Variants in HLA-F observed in about 807,000 individuals in gnomAD.
HLA-F encodes the protein major histocompatibility complex, class I, F, also known as HLA class I histocompatibility antigen, alpha chain F.
In HLA-F, 46 loss-of-function variants were observed where a neutral mutation model predicts 49.5. The observed-to-expected ratio is 0.93, with a 90% CI of 0.73 to 1.19. The LOEUF is 1.19. HLA-F is among the 50% of genes most tolerant of loss of function. HLA-F has a pLI of 0.00. For synonymous variants in HLA-F, 203 were observed against 233.5 expected (o/e 0.87, Z 1.19); for missense variants, 496 against 579.6 (o/e 0.86, Z 1.48).
At position 29,727,046 on chromosome 6, in the gene HLA-F, A is replaced by C; in HGVS notation, c.1200A>C (p.Thr400=). Residue 400 remains threonine, a synonymous_variant, in exon 7 of 7, where the codon ACA becomes ACC. Transcript: ENST00000259951. Reference sequence around the variant, plus strand: ...TCTTGTTTTTTTTGTGGCTGTGGACATCTTTCAACACTGCCTTCTTGGCCT... The same window carrying C: ...TCTTGTTTTTTTTGTGGCTGTGGACCTCTTTCAACACTGCCTTCTTGGCCT... ...MWILFFLWLW[T]SFNTAFLALQ... 2 of 1,613,258 alleles carry C rather than the reference A, an allele frequency of 1.2e-6. No homozygotes were observed. Among genetic ancestry groups the C allele is most frequent in the Non-Finnish European group, 1.7e-6 (2 of 1,180,028 alleles).
intron 3 of HLA-F, chr6:29,736,657 A>C: frequency 6.9e-6 from 2 of 290,604 alleles, no homozygotes; most frequent in South Asian, 2.9e-5. Flanking sequence ...ACCCTCCCCA[A>C]CCCTAGAGCA....
downstream of HLA-F, chr6:29,729,485 A>T (rs1308569806): frequency 1.3e-5 from 2 of 152,224 alleles, no homozygotes; most frequent in Non-Finnish European, 2.9e-5. Flanking sequence ...TTCAAAAATT[A>T]ACTCAATTAA....
intron 3 of HLA-F, among the ~76,000 whole-genome samples, chr6:29,737,350 C>T (rs1777208171): frequency 6.6e-6 from 1 of 151,244 alleles, no homozygotes; most frequent in African/African-American, 2.4e-5. Flanking sequence ...ATGCAAAGGA[C>T]AGGAAACTAC....
chr6:29,727,497 G>C (rs937737004), downstream of HLA-F, among the ~76,000 whole-genome samples: 4 of 152,152 alleles, frequency 2.6e-5, no homozygotes, highest in African/African-American at 9.7e-5. Flanking sequence ...AATACCTGTG[G>C]AATCTTCTCC....
chr6:29,725,705 C>A (rs998137768), intron 5 of HLA-F, 142 bp downstream of exon 5: 33 of 751,958 alleles, frequency 4.4e-5, no homozygotes, highest in Non-Finnish European at 6.9e-5. Context: ...TGTGTGCCAG[C>A]ACCTACTCAT....
At chr6:29,731,977 T>C (rs1776665482), downstream of HLA-F, among the ~76,000 whole-genome samples, 1 of 152,160 alleles carries the variant, frequency 6.6e-6, no homozygotes, top group South Asian at 2.1e-4. Flanking sequence ...AATTTATTTA[T>C]TTTTGGAGAC....
At position 29,725,225 on chromosome 6, in the gene HLA-F, G is replaced by A; in HGVS notation, c.805G>A (p.Val269Met). 1.9e-6 allele frequency: 3 copies of A among 1,614,036 alleles called. No homozygotes were observed. The highest frequency in any genetic ancestry group is 1.7e-6 in the Non-Finnish European group (2 of 1,179,918). Residue 269 changes from valine to methionine, a missense_variant, in exon 4 of 7, where the codon GTG (valine) becomes ATG (methionine). By Grantham distance (21) the Val-to-Met change is conservative. Transcript: ENST00000259951. ...DGTFQKWAAV[V>M]VPPGEEQRYT... ...AACCTTCCAGAAGTGGGCCGCTGTG[G>A]TGGTGCCTCCTGGAGAGGAACAGAG...
chr6:29,728,108 C>T (rs991017278), downstream of HLA-F: 1 of 518,266 alleles, frequency 1.9e-6, no homozygotes, highest in Non-Finnish European at 3.9e-6. Flanking sequence ...GGGGAATGAC[C>T]AGGGATGCTG....
At chr6:29,726,493 A>C in intron 6 of HLA-F, 1 of 1,567,602 alleles carries the variant, frequency 6.4e-7, no homozygotes, top group Non-Finnish European at 8.6e-7. Context: ...TAAATTTTAA[A>C]AATAAAGAAT....
rs148381221 is a variant in HLA-F at position 29,725,021 on chromosome 6, C to G, written c.611-10C>G. On this transcript the variant is annotated splice_polypyrimidine_tract_variant and intron_variant, in intron 3 of 6. Transcript: ENST00000259951. ...AGTGCAAAGTGCCTGAATTTTCTGA[C>G]TCTTCTCAGATCCTCCAAAGGCACA... The G allele has an allele frequency of 2.7e-5, 43 of 1,610,974 alleles. No individual in the cohort carries two copies. In the Middle Eastern group the frequency reaches 5.0e-4, roughly 19 times the overall value.
downstream of HLA-F, chr6:29,727,946 T>C (rs762703296): frequency 1.9e-6 from 1 of 518,712 alleles, no homozygotes; most frequent in Non-Finnish European, 3.8e-6. Context: ...CGGATCACTT[T>C]CCCTCTACAG....
intron 6 of HLA-F, 86 bp from the exon 7 acceptor site, chr6:29,726,797 C>G (rs1478342320): frequency 2.7e-6 from 4 of 1,468,360 alleles, no homozygotes; most frequent in Non-Finnish European, 3.8e-6. Context: ...TCACAAACTT[C>G]TTCACAGCCT....
At chr6:29,724,116 G>T in intron 2 of HLA-F, 57 bp from the exon 3 acceptor site, 3 of 1,597,894 alleles carry the variant, frequency 1.9e-6, no homozygotes, top group Non-Finnish European at 2.6e-6. Context: ...ATCCCCGCGG[G>T]TTGGGCGGGG....
chr6:29,736,415 C>T (rs977519566), intron 3 of HLA-F: 3 of 453,630 alleles, frequency 6.6e-6, no homozygotes, highest in Non-Finnish European at 1.3e-5. Flanking sequence ...TCCAATGCAG[C>T]ATTTCTAAGG....
chr6:29,727,439 C>T, downstream of HLA-F: 1 of 395,688 alleles, frequency 2.5e-6, no homozygotes, highest in Middle Eastern at 6.6e-4. Flanking sequence ...ACAATCAACC[C>T]ATCTTTTTTC....
chr6:29,735,146 T>G (rs923797280), intron 3 of HLA-F: 3 of 149,966 alleles, frequency 2.0e-5, no homozygotes, highest in African/African-American at 7.4e-5. Flanking sequence ...CTACTAGCTT[T>G]TATAGGACTA....
At chr6:29,730,713 C>T (rs1159577455), downstream of HLA-F, among the ~76,000 whole-genome samples, 1 of 152,116 alleles carries the variant, frequency 6.6e-6, no homozygotes, top group East Asian at 1.9e-4. Flanking sequence ...GTCCATTACT[C>T]ACACAAAGGC....
At chr6:29,730,648 AC>A, downstream of HLA-F, among the ~76,000 whole-genome samples, 2 of 152,178 alleles carry the variant, frequency 1.3e-5, no homozygotes, top group Admixed American at 1.3e-4. Context: ...CCTCTCAAGA[AC>A]TGTAAACCAG....
At chr6:29,732,990 C>A (rs1024932366) in intron 3 of HLA-F, among the ~76,000 whole-genome samples, 3 of 152,170 alleles carry the variant, frequency 2.0e-5, no homozygotes, top group East Asian at 3.9e-4. Context: ...GAGTTCGAGA[C>A]CAGACTGGCC....
Sources: allele counts gnomAD v4.1 joint callset (sites outside exome capture counted in the v4.1 genomes callset), GRCh38; gene constraint gnomAD v4.1.1; transcripts MANE v1.5; gene names NCBI Gene and HGNC (gene_info 2026-07-23, HGNC 2026-07-21).